The following PRELID1 variants were observed in gnomAD, a reference collection of about 807,000 sequenced individuals.
The protein encoded by PRELID1 is PRELI domain-containing protein 1, mitochondrial.
PRELID1 carries 15 observed loss-of-function variants against 29.0 expected under a neutral mutation model. The ratio of observed to expected loss-of-function variants is 0.52; its 90% CI spans 0.35 to 0.80. The LOEUF (loss-of-function observed/expected upper bound fraction) is 0.80, where lower values mean the gene tolerates loss of function less well. PRELID1 is among the 30% of genes least tolerant of loss of function. PRELID1 has a pLI of 0.01. For missense variants in PRELID1, 187 were observed against 275.9 expected, an observed-to-expected ratio of 0.68 and a Z score of 2.28; for synonymous variants, 79 against 106.5, an observed-to-expected ratio of 0.74 and a Z score of 1.59.
In PRELID1 at chr5:177,306,669, C is replaced by G. The variant is rs535690572; in HGVS notation, c.*99C>G. 8.5e-4 allele frequency: 1,266 copies of G among 1,483,076 alleles called. No individual in the cohort carries two copies. The highest frequency in any genetic ancestry group is 5.5e-4 in the Non-Finnish European group (603 of 1,100,274). The allele number at this position is 1,483,076 out of a possible 1,614,324, so 91.9% of individuals were successfully genotyped here. On this transcript the variant is annotated 3_prime_UTR_variant, in exon 5 of 5. Coordinates refer to ENST00000303204, the MANE Select transcript of PRELID1 (RefSeq NM_013237.4). ...ATTAAAAATCAACTTCCAGCCCTGT[C>G]TGCTGTCTACGTGGTGGGTTGTGGG...
chr5:177,304,991 G>A, intron 2 of PRELID1, 141 bp downstream of exon 2: 1 of 761,322 alleles, frequency 1.3e-6, no homozygotes, highest in Non-Finnish European at 2.1e-6. Flanking sequence ...AGGGTTGACA[G>A]CTGTAGAGTA....
chr5:177,306,573 A>T lies in PRELID1; in HGVS notation c.*3A>T, dbSNP rs1401182451. The T allele has an allele frequency of 1.2e-6, 2 of 1,608,522 alleles. No individual in the cohort carries two copies. Among genetic ancestry groups the T allele is most frequent in the South Asian group, 2.2e-5 (2 of 89,872 alleles). ...AGCAGCAGCAACAGTTTGTGTAGCC[A>T]GTCTACCACCACCACAGCACCCCAG... is the stretch of plus-strand genomic sequence containing the variant. On this transcript the variant is annotated 3_prime_UTR_variant, in exon 5 of 5. Coordinates refer to ENST00000303204, the MANE Select transcript of PRELID1 (RefSeq NM_013237.4).
intron 1 of PRELID1, chr5:177,304,285 TTTCTC>T (rs1473549411): frequency 4.9e-6 from 3 of 607,192 alleles, no homozygotes. Flanking sequence ...GTAAGATTCT[TTTCTC>T]AGTGTGGTGA....
chr5:177,303,820 C>G lies in PRELID1; in HGVS notation c.-166C>G. The G allele has an allele frequency of 2.3e-6, 1 of 429,870 alleles. No individual in the cohort carries two copies. Among genetic ancestry groups the G allele is most frequent in the Non-Finnish European group, 3.9e-6 (1 of 254,720 alleles). The allele number at this position is 429,870 out of a possible 1,614,324, so 26.6% of individuals were successfully genotyped here. A position where few individuals can be genotyped will look rare whatever the true frequency, so the allele number is the denominator to read the frequency against. ...TGGCGCGCGGCCGGACAACTCATGG[C>G]GGCGGCGGCGGCGGCGGCAGCTGCT... On this transcript the variant is annotated 5_prime_UTR_variant, in exon 1 of 5. Coordinates refer to ENST00000303204, the MANE Select transcript of PRELID1 (RefSeq NM_013237.4). This position sits in a 1 kb window ranked among gnomAD's most constrained non-coding sequence, Gnocchi z 6.1.
intron 4 of PRELID1, 114 bp from the exon 5 acceptor site, chr5:177,306,308 G>A: frequency 7.6e-6 from 12 of 1,575,994 alleles, no homozygotes; most frequent in Non-Finnish European, 1.0e-5. Context: ...GGAGGAGGGT[G>A]AATACCACCT....
intron 4 of PRELID1, 22 bp downstream of exon 4, chr5:177,306,198 T>C: frequency 6.2e-7 from 1 of 1,601,244 alleles, no homozygotes; most frequent in Non-Finnish European, 8.6e-7. Flanking sequence ...GGTATGTGGA[T>C]ATTCCTCATA....
chr5:177,304,248 G>C (rs1040445543), intron 1 of PRELID1, 171 bp downstream of exon 1: 5 of 655,798 alleles, frequency 7.6e-6, no homozygotes, highest in African/African-American at 3.6e-5. Context: ...GGTTGGGCCT[G>C]GGTGGTGGTT....
chr5:177,305,090 T>TA (rs1561592057), intron 2 of PRELID1, among the ~76,000 whole-genome samples: 1 of 152,198 alleles, frequency 6.6e-6, no homozygotes. Flanking sequence ...GTACCTATCT[T>TA]ACGGAGTTGT....
intron 2 of PRELID1, among the ~76,000 whole-genome samples, chr5:177,305,074 G>A (rs907007154): frequency 6.6e-6 from 1 of 152,204 alleles, no homozygotes; most frequent in Non-Finnish European, 1.5e-5. Context: ...ATACAGTGGG[G>A]GAGGGGTACC....
At chr5:177,305,688 C>T (rs575174296) in intron 2 of PRELID1, 183 bp from the exon 3 acceptor site, 5 of 606,398 alleles carry the variant, frequency 8.2e-6, no homozygotes, top group South Asian at 5.9e-5. Context: ...GAGAGGTTTT[C>T]GAGAGCAAAA....
chr5:177,306,329 G>A (rs747062777), intron 4 of PRELID1, 93 bp from the exon 5 acceptor site: 6 of 1,592,858 alleles, frequency 3.8e-6, no homozygotes, highest in African/African-American at 1.3e-5. Flanking sequence ...TTTTAGTGGA[G>A]CCTGGCCCAG....
Position 177,306,445 on chromosome 5 carries a change from G to C in PRELID1, c.535G>C (p.Val179Leu). 6.2e-7 allele frequency: 1 copy of C among 1,614,032 alleles called. No homozygotes were observed. Among genetic ancestry groups the C allele is most frequent in the African/African-American group, 1.3e-5 (1 of 74,994 alleles). The change falls in exon 5 of 5, where the codon GTT (valine) becomes CTT (leucine). Residue 179 changes from valine to leucine, a missense_variant. Physicochemically the swap from Val to Leu is conservative, Grantham distance 32 (BLOSUM62 1). Coordinates refer to ENST00000303204, the MANE Select transcript of PRELID1 (RefSeq NM_013237.4). The stretch of plus-strand genomic sequence containing the variant: ...AGGCGAGGCCCCTTCCAAAACACTT[G>C]TTGAGACAGCCAAGGAAGCCAAGGA... ...LQGEAPSKTLVETAKEAKEKA... is the reference protein window; with the variant it reads ...LQGEAPSKTLLETAKEAKEKA...
rs768272201 is a variant in PRELID1, at chr5:177,306,640, T to C, written c.*70T>C. On this transcript the variant is annotated 3_prime_UTR_variant, in exon 5 of 5. Transcript: ENST00000303204. The stretch of plus-strand genomic sequence containing the variant: ...TCTCTGCCCTCCCTTCATTGTACTT[T>C]ATCATTAAAAATCAACTTCCAGCCC... 1.3e-6 allele frequency: 2 copies of C among 1,539,850 alleles called. No individual in the cohort carries two copies. Among genetic ancestry groups the C allele is most frequent in the African/African-American group, 2.8e-5 (2 of 72,368 alleles).
At position 177,304,697 on chromosome 5, in the gene PRELID1, C is replaced by T; in HGVS notation, c.165C>T (p.Leu55=). 1 of 1,614,090 alleles carries T rather than the reference C, an allele frequency of 6.2e-7. No homozygotes were observed. ...ACCAGAAACTGCTGTCCCGGCGACT[C>T]CTGACCAAGACCAACAGGATGCCAC... is the stretch of plus-strand genomic sequence containing the variant. ...TPDQKLLSRR[L]LTKTNRMPRW... Residue 55 remains leucine (L), a synonymous_variant, in exon 2 of 5, where the codon CTC becomes CTT. Coordinates refer to ENST00000303204, the MANE Select transcript of PRELID1 (RefSeq NM_013237.4).
Position 177,306,490 on chromosome 5 carries a change from C to G in PRELID1, c.580C>G (p.Leu194Val), listed in dbSNP as rs1160796183. The change falls in exon 5 of 5, where the codon CTG becomes GTG. Residue 194 changes from leucine to valine, a missense_variant. Transcript: ENST00000303204. Reference sequence around the variant, plus strand: ...CAAGGAGAAGGCAAAGGAGACGGCACTGGCAGCTACAGAGAAGGCCAAGGA... The same window carrying G: ...CAAGGAGAAGGCAAAGGAGACGGCAGTGGCAGCTACAGAGAAGGCCAAGGA... ...EAKEKAKETA[L>V]AATEKAKDLA... 1 of 1,613,908 alleles carries G rather than the reference C, an allele frequency of 6.2e-7. No homozygotes were observed. The highest frequency in any genetic ancestry group is 2.2e-5 in the East Asian group (1 of 44,888).
rs189829716 is a variant in PRELID1, at chr5:177,306,940, G to C, written c.*370G>C. 5.5e-6 allele frequency: 5 copies of C among 907,468 alleles called. No homozygotes were observed. The African/African-American group carries it at 8.4e-5, about 15-fold the overall frequency. 56.2% of individuals were successfully genotyped at this position (907,468 alleles called of 1,614,324 possible). On this transcript the variant is annotated 3_prime_UTR_variant, in exon 5 of 5. Transcript: ENST00000303204. ...CATAATAGACACTCAATAAATACTTGTTGAATTCAGTTGGCCCCAGCTCTG... is the reference window on the plus strand; with the variant it reads ...CATAATAGACACTCAATAAATACTTCTTGAATTCAGTTGGCCCCAGCTCTG...
chr5:177,304,472 C>T (rs557555045), intron 1 of PRELID1, 153 bp from the exon 2 acceptor site: 85 of 742,946 alleles, frequency 1.1e-4, no homozygotes, highest in Middle Eastern at 1.1e-3. Context: ...CTGGGATGGG[C>T]CCTTAACTCT....
At position 177,306,098 on chromosome 5, in the gene PRELID1, G is replaced by T. The variant is rs1322755097; in HGVS notation, c.433G>T (p.Glu145Ter). 6.2e-7 allele frequency: 1 copy of T among 1,611,624 alleles called. No individual in the cohort carries two copies. The highest frequency in any genetic ancestry group is 2.2e-5 in the East Asian group (1 of 44,874). The change falls in exon 4 of 5, where the codon GAA becomes TAA. Residue 145 changes from glutamate to a stop codon, truncating the protein, a stop_gained and splice_region_variant. Transcript: ENST00000303204. LOFTEE classifies it high-confidence loss of function. ...SLFGVSRAVQEFGLARFKSNV... is the reference protein window; with the variant it reads ...SLFGVSRAVQ ...CCTTCCCATTCTCATCTCATGCCAG[G>T]AATTTGGTCTTGCCCGATTCAAAAG...
Position 177,305,997 on chromosome 5 carries a change from G to A in PRELID1, c.432+13G>A. The A allele has an allele frequency of 6.2e-7, 1 of 1,611,834 alleles. No homozygotes were observed. ...CAGAGCTGTCCAGGTGAGCAGTGTT[G>A]TTGGGGCTGCTGGGGCTCTGGGACC... On this transcript the variant is annotated intron_variant, in intron 3 of 4. Transcript: ENST00000303204.
Sources: gnomAD v4.1 joint callset for allele counts (sites outside exome capture counted in the v4.1 genomes callset) on GRCh38, gnomAD v4.1.1 for gene constraint, Gnocchi (gnomAD v3.1) non-coding constraint, MANE v1.5 for transcripts, NCBI Gene and HGNC (gene_info 2026-07-23, HGNC 2026-07-21) for gene names.